Variants in KCNV2 observed in about 807,000 individuals in gnomAD.
KCNV2 encodes potassium voltage-gated channel subfamily V member 2.
Under a neutral mutation model 37.0 loss-of-function variants are expected in KCNV2, and 65 were observed. The observed-to-expected ratio is 1.76, with a 90% CI of 1.44 to 2.16. The LOEUF (loss-of-function observed/expected upper bound fraction) is 2.16. Among genes scored for constraint, KCNV2 ranks in the 30% most tolerant of loss-of-function variants. The probability of loss-of-function intolerance (pLI) is 0.00; values close to 1 mark genes in which losing one functional copy is unlikely to be tolerated. For missense variants in KCNV2, 1,232 were observed against 766.7 expected, an observed-to-expected ratio of 1.61 and a Z score of -7.17; for synonymous variants, 518 against 328.6, an observed-to-expected ratio of 1.58 and a Z score of -6.23.
Position 2,729,990 on chromosome 9 carries a change from C to A in KCNV2, c.*263C>A. On this transcript the variant is annotated 3_prime_UTR_variant, in exon 2 of 2. Coordinates refer to ENST00000382082, the MANE Select transcript of KCNV2 (RefSeq NM_133497.4). ...GAGGGGAGCAACAGCTTAGATTTTTCTTGTAGCTTCTCGTGGCATCTAGCT... is the reference window on the plus strand; with the variant it reads ...GAGGGGAGCAACAGCTTAGATTTTTATTGTAGCTTCTCGTGGCATCTAGCT... 1 of 434,660 alleles carries A rather than the reference C, an allele frequency of 2.3e-6. No homozygotes were observed. Among genetic ancestry groups the A allele is most frequent in the South Asian group, 3.9e-5 (1 of 25,906 alleles). 26.9% of individuals were successfully genotyped at this position (434,660 alleles called of 1,614,324 possible).
chr9:2,727,005 G>A (rs879307780), intron 1 of KCNV2, among the ~76,000 whole-genome samples: 2 of 152,004 alleles, frequency 1.3e-5, no homozygotes, highest in African/African-American at 2.4e-5. Context: ...CCACAAAACC[G>A]GTCCCTGGTG....
chr9:2,722,157 A>C (rs188545790), intron 1 of KCNV2, among the ~76,000 whole-genome samples: 140 of 140,126 alleles, frequency 1.0e-3, no homozygotes, highest in East Asian at 8.2e-3. Flanking sequence ...GAAGTTATTT[A>C]TAAATAAATT....
At position 2,729,770 on chromosome 9, in the gene KCNV2, G is replaced by A; in HGVS notation, c.*43G>A. 1 of 1,583,448 alleles carries A rather than the reference G, an allele frequency of 6.3e-7. No homozygotes were observed. Among genetic ancestry groups the A allele is most frequent in the South Asian group, 1.1e-5 (1 of 90,408 alleles). On this transcript the variant is annotated 3_prime_UTR_variant, in exon 2 of 2. Transcript: ENST00000382082. ...GGCTGGTAGATTCCATGAACTTCAA[G>A]GCTTCATTGCTCTTTTTTTAATCAT... is the stretch of plus-strand genomic sequence containing the variant.
Position 2,729,902 on chromosome 9 carries a change from T to A in KCNV2, c.*175T>A. 1.5e-6 allele frequency: 1 copy of A among 664,414 alleles called. No individual in the cohort carries two copies. Among genetic ancestry groups the A allele is most frequent in the Non-Finnish European group, 2.6e-6 (1 of 382,180 alleles). The allele number at this position is 664,414 out of a possible 1,614,324, so 41.2% of individuals were successfully genotyped here. A position where few individuals can be genotyped will look rare whatever the true frequency, so the allele number is the denominator to read the frequency against. Reference sequence around the variant, plus strand: ...CATTTTGGCCCAAACTCAGAATGTCTCATAGTTGCTCTGTGTTGTGTGAAA... The same window carrying A: ...CATTTTGGCCCAAACTCAGAATGTCACATAGTTGCTCTGTGTTGTGTGAAA... On this transcript the variant is annotated 3_prime_UTR_variant, in exon 2 of 2. Transcript: ENST00000382082.
chr9:2,729,681 GTTT>G lies in KCNV2; in HGVS notation c.1593_1595del (p.Cys531_Leu532delinsTrp). 6.2e-7 allele frequency: 1 copy of G among 1,614,120 alleles called. No individual in the cohort carries two copies. ...AGAGCCAGAAAGAAGATAGCTGAGT[GTTT>G]GCTTGGAAGCAACCCACAGCTCACC... On this transcript the variant is annotated inframe_deletion, in exon 2 of 2. Coordinates refer to ENST00000382082, the MANE Select transcript of KCNV2 (RefSeq NM_133497.4).
At position 2,718,930 on chromosome 9, in the gene KCNV2, G is replaced by A; in HGVS notation, c.1191G>A (p.Leu397=). Residue 397 remains leucine, a synonymous_variant, in exon 1 of 2, where the codon CTG becomes CTA. Coordinates refer to ENST00000382082, the MANE Select transcript of KCNV2 (RefSeq NM_133497.4). ...ILKLARHSTG[L]RAFGFTLRQC... ...AGCTGGCGCGCCACTCCACCGGACT[G>A]CGTGCCTTCGGCTTCACGCTGCGCC... The A allele has an allele frequency of 1.2e-6, 2 of 1,609,356 alleles. No individual in the cohort carries two copies.
rs759430990 is a variant in KCNV2, at chr9:2,718,879, C to G, written c.1140C>G (p.Arg380=). The change falls in exon 1 of 2, where the codon CGC becomes CGG. Residue 380 remains arginine, a synonymous_variant. Transcript: ENST00000382082. ...TGGGTCAGGTGTTGCGCGTCATGCG[C>G]CTCATGCGCATCTTCCGCATCCTCA... is the stretch of plus-strand genomic sequence containing the variant. ...GKVGQVLRVM[R]LMRIFRILKL... is the part of the protein sequence containing the mutation. 1 of 1,608,832 alleles carries G rather than the reference C, an allele frequency of 6.2e-7. No homozygotes were observed. The highest frequency in any genetic ancestry group is 8.5e-7 in the Non-Finnish European group (1 of 1,179,964).
chr9:2,728,921 G>A (rs966291581), intron 1 of KCNV2, among the ~76,000 whole-genome samples: 1 of 151,238 alleles, frequency 6.6e-6, no homozygotes, highest in Admixed American at 6.6e-5. Context: ...GAGAGAGAGA[G>A]AGTCTGAAGG....
intron 1 of KCNV2, among the ~76,000 whole-genome samples, chr9:2,724,522 G>A (rs1356319116): frequency 6.6e-6 from 1 of 152,186 alleles, no homozygotes; most frequent in African/African-American, 2.4e-5. Flanking sequence ...GTAATTGCAG[G>A]GAGTAGCTAT....
Position 2,717,925 on chromosome 9 carries a change from G to A in KCNV2, c.186G>A (p.Glu62=), listed in dbSNP as rs746642826. Residue 62 remains glutamate, a synonymous_variant, in exon 1 of 2, where the codon GAG becomes GAA. Coordinates refer to ENST00000382082, the MANE Select transcript of KCNV2 (RefSeq NM_133497.4). ...NYYIEEDEDG[E]EEDQWKDDLA... ...ACATCGAGGAAGACGAAGACGGCGA[G>A]GAGGAGGACCAGTGGAAGGACGACC... The A allele has an allele frequency of 1.2e-6, 2 of 1,614,072 alleles. No individual in the cohort carries two copies. Among genetic ancestry groups the A allele is most frequent in the Non-Finnish European group, 1.7e-6 (2 of 1,179,910 alleles).
chr9:2,717,769 C>G lies in KCNV2; in HGVS notation c.30C>G (p.Ser10=). The G allele has an allele frequency of 6.2e-7, 1 of 1,614,230 alleles. No homozygotes were observed. The highest frequency in any genetic ancestry group is 1.1e-5 in the South Asian group (1 of 91,082). MLKQSERRR[S]WSYRPWNTTE... The stretch of plus-strand genomic sequence containing the variant: ...TCAAACAGAGTGAGAGGAGACGGTC[C>G]TGGAGCTACAGGCCCTGGAACACGA... The change falls in exon 1 of 2, where the codon TCC becomes TCG. Residue 10 remains serine, a synonymous_variant. Transcript: ENST00000382082.
chr9:2,725,067 T>A (rs1819947010), intron 1 of KCNV2, among the ~76,000 whole-genome samples: 1 of 152,164 alleles, frequency 6.6e-6, no homozygotes, highest in African/African-American at 2.4e-5. Flanking sequence ...TTTTAGCCAA[T>A]ATGATGTGAG....
intron 1 of KCNV2, among the ~76,000 whole-genome samples, chr9:2,722,447 TTTATAAA>T: frequency 1.5e-5 from 2 of 137,624 alleles, no homozygotes; most frequent in African/African-American, 5.5e-5. Context: ...AAATAAGTTA[TTTATAAA>T]TAGAAGTTAT....
rs113975253 is a variant in KCNV2, at chr9:2,729,942, A to G, written c.*215A>G. 9 of 569,906 alleles carry G rather than the reference A, an allele frequency of 1.6e-5. No homozygotes were observed. Among genetic ancestry groups the G allele is most frequent in the African/African-American group, 1.3e-4 (7 of 53,376 alleles). The allele number at this position is 569,906 out of a possible 1,614,324, so 35.3% of individuals were successfully genotyped here. On this transcript the variant is annotated 3_prime_UTR_variant, in exon 2 of 2. Coordinates refer to ENST00000382082, the MANE Select transcript of KCNV2 (RefSeq NM_133497.4). ...GTTGTGTGAAACATCTGACCTTCTC[A>G]ATGACGTTGATATTGAAAACCTGAG...
rs74463155 is a variant in KCNV2, at chr9:2,719,810, C to T, written c.1356+715C>T. Among the ~76,000 whole-genome samples, 925 of 152,340 alleles carry T rather than the reference C, an allele frequency of 6.1e-3. 2 individuals carry two copies. Among genetic ancestry groups the T allele is most frequent in the Middle Eastern group, 0.02 (6 of 294 alleles). On this transcript the variant is annotated intron_variant, in intron 1 of 1. Coordinates refer to ENST00000382082, the MANE Select transcript of KCNV2 (RefSeq NM_133497.4). ...TCCAAACTCCATGCCTTTCCCACAC[C>T]CAAGCACAGTCTCTTTCAAGTTTTA... is the stretch of plus-strand genomic sequence containing the variant.
rs1164462936 is a variant in KCNV2, at chr9:2,718,105, C to A, written c.366C>A (p.Arg122=). ...AGCTGGCCGGCTTCCCCAAGACGCG[C>A]CTAGGTCGCCTGGCCACCTCCACCA... ...YCELAGFPKT[R]LGRLATSTSR... Residue 122 remains arginine, a synonymous_variant, in exon 1 of 2, where the codon CGC becomes CGA. Coordinates refer to ENST00000382082, the MANE Select transcript of KCNV2 (RefSeq NM_133497.4). 1 of 1,600,086 alleles carries A rather than the reference C, an allele frequency of 6.2e-7. No homozygotes were observed. Among genetic ancestry groups the A allele is most frequent in the Non-Finnish European group, 8.5e-7 (1 of 1,173,496 alleles).
intron 1 of KCNV2, among the ~76,000 whole-genome samples, chr9:2,722,017 A>ATTTATAAATAAATTAGAAGTTAATTT (rs1819878514): frequency 6.8e-6 from 1 of 148,064 alleles, no homozygotes; most frequent in African/African-American, 2.6e-5. Flanking sequence ...ATGTGTATTT[A>ATTTATAAATAAATTAGAAGTTAATTT]TTTATAAATA....
chr9:2,719,190 T>C, intron 1 of KCNV2, 95 bp downstream of exon 1: 1 of 1,407,824 alleles, frequency 7.1e-7, no homozygotes, highest in Non-Finnish European at 9.8e-7. Flanking sequence ...CTTTGGCTTC[T>C]GATCCTCGTC....
chr9:2,722,626 TATAA>T (rs1180123656), intron 1 of KCNV2, among the ~76,000 whole-genome samples: 1 of 146,292 alleles, frequency 6.8e-6, no homozygotes, highest in African/African-American at 2.7e-5. Flanking sequence ...GTTATTTATT[TATAA>T]ATAAATTAGA....
Sources: gnomAD v4.1 joint callset for allele counts (sites outside exome capture counted in the v4.1 genomes callset) on GRCh38, gnomAD v4.1.1 for gene constraint, MANE v1.5 for transcripts, NCBI Gene and HGNC (gene_info 2026-07-23, HGNC 2026-07-21) for gene names.